The following ATG10 variants were observed in gnomAD, a reference collection of about 807,000 sequenced individuals.
ATG10 encodes the protein autophagy related 10, also known as ubiquitin-like-conjugating enzyme ATG10.
Under a neutral mutation model 32.1 loss-of-function variants are expected in ATG10, and 30 were observed. The ratio of observed to expected loss-of-function variants is 0.94; its 90% CI spans 0.70 to 1.27. ATG10 has a LOEUF of 1.27. ATG10 is among the 50% of genes most tolerant of loss of function. The pLI is 0.00. For synonymous variants in ATG10, 87 were observed against 91.5 expected (o/e 0.95, Z 0.28); for missense variants, 233 against 262.3 (o/e 0.89, Z 0.77).
rs534668595 is a variant in ATG10, at chr5:82,184,312, C to G, written c.453+5725C>G. Among the ~76,000 whole-genome samples, 18 of 152,240 alleles carry G rather than the reference C, an allele frequency of 1.2e-4. No homozygotes were observed. In the South Asian group the frequency reaches 3.7e-3, roughly 32 times the overall value. On this transcript the variant is annotated intron_variant, in intron 5 of 7. Coordinates refer to ENST00000282185, the MANE Select transcript of ATG10 (RefSeq NM_031482.5). ...GTAAAATACGTTGTACATTGCCTAGCACATAATATGTAGTAAATATATTAT... is the reference window on the plus strand; with the variant it reads ...GTAAAATACGTTGTACATTGCCTAGGACATAATATGTAGTAAATATATTAT...
chr5:82,130,233 A>C lies in ATG10; in HGVS notation c.217-34166A>C, dbSNP rs543816133. ...CATCCCAGGTCGACTTCAGACTGCT[A>C]TGCTGGCAGCATGAATTTCAGGCCA... On this transcript the variant is annotated intron_variant, in intron 3 of 7. Coordinates refer to ENST00000282185, the MANE Select transcript of ATG10 (RefSeq NM_031482.5). 1.5e-3 allele frequency among the ~76,000 whole-genome samples: 235 copies of C among 152,286 alleles called. 2 individuals carry two copies. The highest frequency in any genetic ancestry group is 5.5e-3 in the African/African-American group (228 of 41,572).
intron 3 of ATG10, among the ~76,000 whole-genome samples, chr5:82,136,322 G>A (rs978044209): frequency 5.3e-5 from 8 of 152,046 alleles, no homozygotes; most frequent in African/African-American, 9.7e-5. Context: ...TCATAGTGTC[G>A]ACGGTCTTTA....
chr5:82,153,452 T>C (rs1767683527), intron 3 of ATG10, among the ~76,000 whole-genome samples: 2 of 151,838 alleles, frequency 1.3e-5, no homozygotes, highest in Admixed American at 1.3e-4. Flanking sequence ...GCAGCAAGAG[T>C]TTATCGGGAA....
intron 3 of ATG10, among the ~76,000 whole-genome samples, chr5:82,118,054 C>G (rs1765877395): frequency 6.6e-6 from 1 of 151,208 alleles, no homozygotes; most frequent in Admixed American, 6.6e-5. Context: ...TGATGGAGAA[C>G]AATAAATAAA....
chr5:82,030,998 T>A (rs573566141), intron 2 of ATG10, among the ~76,000 whole-genome samples: 1 of 152,198 alleles, frequency 6.6e-6, no homozygotes, highest in East Asian at 1.9e-4. Context: ...TTATTATTAT[T>A]ATCATCATCG....
intron 5 of ATG10, among the ~76,000 whole-genome samples, chr5:82,221,620 C>T (rs1047505644): frequency 6.6e-6 from 1 of 152,134 alleles, no homozygotes; most frequent in African/African-American, 2.4e-5. Context: ...CAGCATCAGA[C>T]CATTTGATAG....
At chr5:82,150,994 A>G (rs1459047809) in intron 3 of ATG10, among the ~76,000 whole-genome samples, 2 of 152,200 alleles carry the variant, frequency 1.3e-5, no homozygotes, top group Non-Finnish European at 2.9e-5. Context: ...AGGCCATGAA[A>G]AGCAAGATGT....
chr5:82,079,993 G>A (rs1456641774), intron 3 of ATG10, among the ~76,000 whole-genome samples: 1 of 152,196 alleles, frequency 6.6e-6, no homozygotes, highest in Non-Finnish European at 1.5e-5. Context: ...CAGTGTAAAA[G>A]CATTCCTAAT....
rs560506688 is a variant in ATG10 at position 82,057,151 on chromosome 5, C to G, written c.109-1344C>G. On this transcript the variant is annotated intron_variant, in intron 2 of 7. Coordinates refer to ENST00000282185, the MANE Select transcript of ATG10 (RefSeq NM_031482.5). The stretch of plus-strand genomic sequence containing the variant: ...TCAGAATGAGTTGGATCTAACCAAT[C>G]AACAACTAACCAGTGCAGCCCCCTG... 3.9e-4 allele frequency among the ~76,000 whole-genome samples: 60 copies of G among 152,272 alleles called. 1 individual carries two copies. In the South Asian group the frequency reaches 0.012, roughly 31 times the overall value.
At chr5:82,219,178 A>G (rs1745821899) in intron 5 of ATG10, among the ~76,000 whole-genome samples, 1 of 152,238 alleles carries the variant, frequency 6.6e-6, no homozygotes, top group African/African-American at 2.4e-5. Flanking sequence ...TTGAGTTTAA[A>G]TGGGGTTTCA....
intron 6 of ATG10, 156 bp downstream of exon 6, chr5:82,252,815 T>A (rs1561380448): frequency 7.0e-6 from 4 of 574,514 alleles, no homozygotes; most frequent in African/African-American, 1.9e-5. Context: ...GTTCTAAGAG[T>A]TTTAGATACA....
intron 1 of ATG10, among the ~76,000 whole-genome samples, chr5:81,983,007 C>T (rs2149659267): frequency 6.6e-6 from 1 of 152,346 alleles, no homozygotes; most frequent in East Asian, 1.9e-4. Context: ...CCCACCTTTC[C>T]CCCCTTTCTA....
chr5:82,032,659 A>G (rs989474680), intron 2 of ATG10, among the ~76,000 whole-genome samples: 17 of 151,766 alleles, frequency 1.1e-4, no homozygotes, highest in Non-Finnish European at 2.4e-4. Flanking sequence ...CTAACTCCCA[A>G]TCTCAAACTC....
At chr5:81,974,963 T>A (rs894368741) in intron 1 of ATG10, among the ~76,000 whole-genome samples, 6 of 152,230 alleles carry the variant, frequency 3.9e-5, no homozygotes, top group African/African-American at 1.2e-4. Flanking sequence ...AATTCAAGGA[T>A]TAACTGAAAT....
chr5:81,999,746 A>G (rs544372577), intron 2 of ATG10, among the ~76,000 whole-genome samples: 27 of 152,294 alleles, frequency 1.8e-4, no homozygotes, highest in African/African-American at 6.3e-4. Flanking sequence ...TCCCGCAGAC[A>G]CTACTACAAA....
chr5:82,069,928 G>A (rs1764066997), intron 3 of ATG10, among the ~76,000 whole-genome samples: 1 of 152,150 alleles, frequency 6.6e-6, no homozygotes, highest in African/African-American at 2.4e-5. Flanking sequence ...TATTGTTTTT[G>A]ATTGCATAAA....
chr5:82,038,309 GA>G (rs1415301422), intron 2 of ATG10, among the ~76,000 whole-genome samples: 1 of 152,240 alleles, frequency 6.6e-6, no homozygotes, highest in East Asian at 1.9e-4. Context: ...ATGAAAGGGA[GA>G]GAGCATTTAT....
At chr5:82,095,294 C>T (rs1765018509) in intron 3 of ATG10, among the ~76,000 whole-genome samples, 1 of 152,022 alleles carries the variant, frequency 6.6e-6, no homozygotes, top group African/African-American at 2.4e-5. Context: ...TTATGTAATA[C>T]CTTTCACTTT....
chr5:82,100,772 GTTTTT>G (rs61096885), intron 3 of ATG10, among the ~76,000 whole-genome samples: 75 of 113,960 alleles, frequency 6.6e-4, no homozygotes, highest in South Asian at 2.6e-3. Context: ...ACAAGAACTA[GTTTTT>G]TTTTTTTTTT....
Sources: gnomAD v4.1 joint callset for allele counts (sites outside exome capture counted in the v4.1 genomes callset) on GRCh38, gnomAD v4.1.1 for gene constraint, MANE v1.5 for transcripts, NCBI Gene and HGNC (gene_info 2026-07-23, HGNC 2026-07-21) for gene names.